The following TSHZ1 variants were observed in gnomAD, a reference collection of about 807,000 sequenced individuals.
TSHZ1 encodes the protein teashirt zinc finger homeobox 1.
In TSHZ1, 12 loss-of-function variants were observed where a neutral mutation model predicts 67.1. That is an observed-to-expected ratio of 0.18 (90% CI 0.11 to 0.29). TSHZ1 has a LOEUF of 0.29. TSHZ1 is among the 10% of genes least tolerant of loss of function. The probability of loss-of-function intolerance (pLI) is 1.00; values close to 1 mark genes in which losing one functional copy is unlikely to be tolerated. For missense variants in TSHZ1, 1,305 were observed against 1,413.9 expected, an observed-to-expected ratio of 0.92 and a Z score of 1.23; for synonymous variants, 632 against 622.4, an observed-to-expected ratio of 1.02 and a Z score of -0.23.
intron 1 of TSHZ1, among the ~76,000 whole-genome samples, chr18:75,226,927 G>A (rs1024098928): frequency 1.3e-5 from 2 of 152,060 alleles, no homozygotes; most frequent in South Asian, 2.1e-4. Flanking sequence ...ACCTCAGCCC[G>A]CTGCAACAGC....
chr18:75,275,617 G>A (rs1247452352), intron 1 of TSHZ1, among the ~76,000 whole-genome samples: 1 of 152,156 alleles, frequency 6.6e-6, no homozygotes, highest in Admixed American at 6.5e-5. Context: ...TCGTTTCAGG[G>A]GGTCAGATAG....
At chr18:75,279,572 G>A (rs1568367538) in intron 1 of TSHZ1, among the ~76,000 whole-genome samples, 2 of 152,158 alleles carry the variant, frequency 1.3e-5, no homozygotes, top group African/African-American at 4.8e-5. Flanking sequence ...AGCTGGAGCA[G>A]GAGGACGGTG....
intron 1 of TSHZ1, among the ~76,000 whole-genome samples, chr18:75,239,878 G>A (rs1014766521): frequency 6.6e-5 from 10 of 152,162 alleles, no homozygotes; most frequent in African/African-American, 2.4e-5. Context: ...CATTGAATAC[G>A]AGGAGGTACG....
At position 75,286,165 on chromosome 18, in the gene TSHZ1, C is replaced by G; in HGVS notation, c.758C>G (p.Ala253Gly). 1 of 1,614,046 alleles carries G rather than the reference C, an allele frequency of 6.2e-7. No homozygotes were observed. Among genetic ancestry groups the G allele is most frequent in the Non-Finnish European group, 8.5e-7 (1 of 1,179,970 alleles). Residue 253 changes from alanine (A) to glycine (G), a missense_variant, in exon 2 of 2, where the codon GCC (alanine) becomes GGC (glycine). This residue lies in a region of TSHZ1 where 358 missense variants were observed against 375.6 expected (regional missense o/e 0.95). Transcript: ENST00000580243. This position sits in a 1 kb window ranked among gnomAD's most constrained non-coding sequence, Gnocchi z 5.1. ...AAGTTCCGGTGCAAAGACTGCAGTG[C>G]CGCGTACGACACGCTGGTGGAACTG... is the stretch of plus-strand genomic sequence containing the variant. ...ASKFRCKDCS[A>G]AYDTLVELTV...
intron 1 of TSHZ1, among the ~76,000 whole-genome samples, chr18:75,237,074 G>A (rs749352618): frequency 6.6e-5 from 10 of 152,194 alleles, no homozygotes; most frequent in Non-Finnish European, 1.3e-4. Flanking sequence ...GGCGGCTTCT[G>A]GGTGGCCGTT....
At chr18:75,245,461 C>G (rs553848356) in intron 1 of TSHZ1, 5 of 152,098 alleles carry the variant, frequency 3.3e-5, no homozygotes, top group Non-Finnish European at 7.3e-5. Context: ...TTAGTTTGTA[C>G]GATGCTGCTG....
At chr18:75,227,811 G>A (rs750118035) in intron 1 of TSHZ1, among the ~76,000 whole-genome samples, 2 of 152,190 alleles carry the variant, frequency 1.3e-5, no homozygotes, top group Non-Finnish European at 2.9e-5. Context: ...TTTCCTAGGC[G>A]GAGCTAGCCC....
At chr18:75,285,278 C>T in intron 1 of TSHZ1, 170 bp from the exon 2 acceptor site, 1 of 699,350 alleles carries the variant, frequency 1.4e-6, no homozygotes, top group Non-Finnish European at 2.1e-6. Context: ...GGGGACAGCA[C>T]CTTTTGAAAC....
chr18:75,277,714 TC>T (rs1425520701), intron 1 of TSHZ1, among the ~76,000 whole-genome samples: 5 of 152,144 alleles, frequency 3.3e-5, no homozygotes, highest in Non-Finnish European at 7.3e-5. Context: ...AGGCCCTACC[TC>T]CTTCTGCCAT....
intron 1 of TSHZ1, chr18:75,285,176 C>T (rs1028344411): frequency 2.1e-5 from 6 of 286,140 alleles, no homozygotes; most frequent in Non-Finnish European, 3.9e-5. Flanking sequence ...CTGCCCTTCC[C>T]ACCAGGCTGC....
chr18:75,289,450 G>C lies in TSHZ1; in HGVS notation c.*809G>C, dbSNP rs1428121644. ...AGTTTATAGTTATTTACAAATGTAA[G>C]CTTTGGTACAAGCTGACCTTTCTAT... On this transcript the variant is annotated 3_prime_UTR_variant, in exon 2 of 2. Coordinates refer to ENST00000580243, the MANE Select transcript of TSHZ1 (RefSeq NM_001308210.2). 3 of 166,894 alleles carry C rather than the reference G, an allele frequency of 1.8e-5. No individual in the cohort carries two copies. Among genetic ancestry groups the C allele is most frequent in the African/African-American group, 7.3e-5 (3 of 41,360 alleles). 10.3% of individuals were successfully genotyped at this position (166,894 alleles called of 1,614,324 possible). A position where few individuals can be genotyped will look rare whatever the true frequency, so the allele number is the denominator to read the frequency against.
At chr18:75,220,293 T>A (rs1208293711) in intron 1 of TSHZ1, among the ~76,000 whole-genome samples, 9 of 152,220 alleles carry the variant, frequency 5.9e-5, no homozygotes, top group African/African-American at 1.9e-4. Context: ...TGCATAGAGA[T>A]AAGCATCCTG....
chr18:75,287,953 G>T lies in TSHZ1; in HGVS notation c.2546G>T (p.Gly849Val), dbSNP rs921949852. The change falls in exon 2 of 2, where the codon GGC becomes GTC. Residue 849 changes from glycine to valine, a missense_variant. By Grantham distance (109) the Gly-to-Val change is moderately radical (BLOSUM62 -3). Transcript: ENST00000580243. The surrounding 1 kb of genome is among the most constrained non-coding windows in gnomAD (Gnocchi z 5.0). ...TCCGACATGGTGAAAAACCTCACAGGCCGCCTGACGCCCAAGTCCTCCACG... is the reference window on the plus strand; with the variant it reads ...TCCGACATGGTGAAAAACCTCACAGTCCGCCTGACGCCCAAGTCCTCCACG... ...DISDMVKNLT[G>V]RLTPKSSTPS... 1 of 1,614,078 alleles carries T rather than the reference G, an allele frequency of 6.2e-7. No homozygotes were observed. Among genetic ancestry groups the T allele is most frequent in the African/African-American group, 1.3e-5 (1 of 74,936 alleles).
rs1001855461 is a variant in TSHZ1, at chr18:75,238,802, G to A, written c.40+26886G>A. ...CAAATCTTAAAAAACTGAAAATGTG[G>A]CAGAATCTCAAAAAATAACTTGATT... On this transcript the variant is annotated intron_variant, in intron 1 of 1. Coordinates refer to ENST00000580243, the MANE Select transcript of TSHZ1 (RefSeq NM_001308210.2). Among the ~76,000 whole-genome samples the A allele has an allele frequency of 2.0e-5, 3 of 152,208 alleles. No individual in the cohort carries two copies. The East Asian group carries it at 5.8e-4, about 29-fold the overall frequency.
At chr18:75,276,939 C>G (rs1160861230) in intron 1 of TSHZ1, among the ~76,000 whole-genome samples, 1 of 152,230 alleles carries the variant, frequency 6.6e-6, no homozygotes, top group African/African-American at 2.4e-5. Context: ...TAGACAGTTT[C>G]CTGACCTCAT....
At position 75,287,116 on chromosome 18, in the gene TSHZ1, C is replaced by T. The variant is rs775832071; in HGVS notation, c.1709C>T (p.Ala570Val). ...STAISKAQNG[A>V]PSWGGYPSIH... is the part of the protein sequence containing the mutation. ...GCCATTAGCAAAGCTCAGAATGGTG[C>T]GCCCTCATGGGGTGGCTACCCCAGC... is the stretch of plus-strand genomic sequence containing the variant. Residue 570 changes from alanine (A) to valine (V), a missense_variant, in exon 2 of 2, where the codon GCG becomes GTG. Physicochemically the swap from Ala to Val is moderately conservative, Grantham distance 64 (BLOSUM62 0). Transcript: ENST00000580243. The surrounding 1 kb of genome is among the most constrained non-coding windows in gnomAD (Gnocchi z 5.0). 2.0e-5 allele frequency: 32 copies of T among 1,614,000 alleles called. No individual in the cohort carries two copies. Among genetic ancestry groups the T allele is most frequent in the Middle Eastern group, 3.3e-4 (2 of 6,084 alleles).
At chr18:75,237,884 C>T (rs1296179890) in intron 1 of TSHZ1, among the ~76,000 whole-genome samples, 1 of 151,974 alleles carries the variant, frequency 6.6e-6, no homozygotes, top group Non-Finnish European at 1.5e-5. Flanking sequence ...GTGATCTCGC[C>T]TCTCTGCAAC....
intron 1 of TSHZ1, among the ~76,000 whole-genome samples, chr18:75,249,617 T>C (rs1249916607): frequency 7.9e-6 from 1 of 126,302 alleles, no homozygotes; most frequent in Non-Finnish European, 1.7e-5. Context: ...GCAGTAGGTG[T>C]GTTGTGTGGG....
chr18:75,275,910 C>T (rs1363735330), intron 1 of TSHZ1, among the ~76,000 whole-genome samples: 1 of 152,204 alleles, frequency 6.6e-6, no homozygotes, highest in African/African-American at 2.4e-5. Context: ...TTGCTGTTCT[C>T]ACTTTATTTT....
Sources: gnomAD v4.1 joint callset for allele counts (sites outside exome capture counted in the v4.1 genomes callset) on GRCh38, gnomAD v4.1.1 for gene constraint, gnomAD v4.1.1 regional missense constraint, Gnocchi (gnomAD v3.1) non-coding constraint, MANE v1.5 for transcripts, NCBI Gene and HGNC (gene_info 2026-07-23, HGNC 2026-07-21) for gene names.